DYSF: variants seen among roughly 807,000 people sequenced by gnomAD.
The protein encoded by DYSF is dystrophy-associated fer-1-like 1.
Under a neutral mutation model 274.9 loss-of-function variants are expected in DYSF, and 212 were observed. The ratio of observed to expected loss-of-function variants is 0.77; its 90% confidence interval spans 0.69 to 0.86. The LOEUF is 0.86. Among genes scored for constraint, DYSF ranks in the 40% least tolerant of loss-of-function variants. The probability of loss-of-function intolerance (pLI) is 0.00; values close to 1 mark genes in which losing one functional copy is unlikely to be tolerated. For synonymous variants in DYSF, 1,091 were observed against 1,078.7 expected, an observed-to-expected ratio of 1.01 and a Z score of -0.22; for missense variants, 2,666 against 2,783.2, an observed-to-expected ratio of 0.96 and a Z score of 0.95.
At chr2:71,526,418 T>TGGGGGGGGGGTTG in intron 13 of DYSF, 72 bp downstream of exon 13, 4 of 261,486 alleles carry the variant, frequency 1.5e-5, no homozygotes, top group Non-Finnish European at 2.8e-5. Flanking sequence ...GGGTGGGCGA[T>TGGGGGGGGGGTTG]GGCGGGCGGG....
chr2:71,563,995 G>A lies in DYSF; in HGVS notation c.2410-63G>A, dbSNP rs1283267357. On this transcript the variant is annotated intron_variant, in intron 23 of 55. Coordinates refer to ENST00000410020, the MANE Select transcript of DYSF (RefSeq NM_001130987.2). ...TCTGAGTCAGAGGTCAGCTCACGGT[G>A]TGGCTGTGGGGCGTGGGCCTGGTGT... The A allele has an allele frequency of 2.5e-6, 4 of 1,608,486 alleles. No individual in the cohort carries two copies. In the African/African-American group the frequency reaches 5.3e-5, roughly 21 times the overall value.
chr2:71,464,289 G>A (rs1300133548), upstream of DYSF, among the ~76,000 whole-genome samples: 1 of 152,264 alleles, frequency 6.6e-6, no homozygotes, highest in African/African-American at 2.4e-5. Flanking sequence ...TTCAGGCACT[G>A]AGGAAACAGC....
intron 30 of DYSF, among the ~76,000 whole-genome samples, chr2:71,584,914 G>A (rs908072244): frequency 6.6e-6 from 1 of 152,238 alleles, no homozygotes; most frequent in Non-Finnish European, 1.5e-5. Context: ...CAGAGGAAAG[G>A]TTATGAATTC....
In DYSF at chr2:71,658,929, C is replaced by G. The variant is rs1219625776; in HGVS notation, c.4807C>G (p.Pro1603Ala). The change falls in exon 44 of 56, where the codon CCA (proline) becomes GCA (alanine). Residue 1603 changes from proline (P) to alanine (A), a missense_variant. By Grantham distance (27) the Pro-to-Ala change is conservative (BLOSUM62 -1). Coordinates refer to ENST00000410020, the MANE Select transcript of DYSF (RefSeq NM_001130987.2). The stretch of plus-strand genomic sequence containing the variant: ...AGAAGACCCAGCCATCCCCATGCCC[C>G]CAAGACAGTTCCACCAGCTGGCCGC... ...LPEDPAIPMP[P>A]RQFHQLAAQG... 6.2e-7 allele frequency: 1 copy of G among 1,614,210 alleles called. No individual in the cohort carries two copies. The highest frequency in any genetic ancestry group is 8.5e-7 in the Non-Finnish European group (1 of 1,180,040).
At chr2:71,668,610 G>C in intron 48 of DYSF, 144 bp from the exon 49 acceptor site, 1 of 749,042 alleles carries the variant, frequency 1.3e-6, no homozygotes, top group Non-Finnish European at 2.2e-6. Flanking sequence ...TGACCCTGTA[G>C]TCCCCTGTTT....
intron 3 of DYSF, among the ~76,000 whole-genome samples, chr2:71,490,628 G>A (rs2083770748): frequency 6.6e-6 from 1 of 152,162 alleles, no homozygotes; most frequent in South Asian, 2.1e-4. Flanking sequence ...CGCCCGGCCT[G>A]GTGCATATCT....
chr2:71,505,196 C>T (rs755731002), intron 4 of DYSF, among the ~76,000 whole-genome samples: 12 of 152,258 alleles, frequency 7.9e-5, no homozygotes, highest in Non-Finnish European at 8.8e-5. Flanking sequence ...CAGCCCCAGA[C>T]AGGTCATATG....
chr2:71,616,446 G>T lies in DYSF; in HGVS notation c.4464+3036G>T, dbSNP rs529068080. ...GTGTAGACTTTAGAGTGGCAGACTA[G>T]GGGTGGGGGTGGTGTGTGCACATGA... On this transcript the variant is annotated intron_variant, in intron 40 of 55. Transcript: ENST00000410020. Among the ~76,000 whole-genome samples the T allele has an allele frequency of 2.1e-3, 322 of 151,862 alleles. 2 individuals are homozygous for T. Among genetic ancestry groups the T allele is most frequent in the African/African-American group, 7.6e-3 (315 of 41,318 alleles).
At chr2:71,504,522 A>C (rs950356627) in intron 4 of DYSF, among the ~76,000 whole-genome samples, 2 of 152,130 alleles carry the variant, frequency 1.3e-5, no homozygotes, top group African/African-American at 4.8e-5. Context: ...CCCTGTGGTC[A>C]AGGAGGACCC....
At chr2:71,663,050 C>CATTTGT (rs1553411918) in intron 45 of DYSF, among the ~76,000 whole-genome samples, 1 of 27,488 alleles carries the variant, frequency 3.6e-5, no homozygotes, top group African/African-American at 7.5e-5. Context: ...TGCGCGCACG[C>CATTTGT]GCGTGGTGTA....
chr2:71,685,362 G>T (rs925653286), intron 55 of DYSF, among the ~76,000 whole-genome samples: 3 of 152,218 alleles, frequency 2.0e-5, no homozygotes, highest in Admixed American at 1.3e-4. Flanking sequence ...GGGGTCTAGG[G>T]ATGAAGGGGG....
At chr2:71,506,727 G>A (rs746017966) in intron 4 of DYSF, among the ~76,000 whole-genome samples, 15 of 152,116 alleles carry the variant, frequency 9.9e-5, no homozygotes, top group South Asian at 2.1e-4. Context: ...CCACTGACAC[G>A]CCCACTTTCC....
At chr2:71,680,756 T>C (rs1216985674) in intron 53 of DYSF, among the ~76,000 whole-genome samples, 2 of 152,252 alleles carry the variant, frequency 1.3e-5, no homozygotes, top group African/African-American at 2.4e-5. Flanking sequence ...TCAGCTATGA[T>C]GCATGCAAAT....
chr2:71,631,015 A>T (rs1245501067), intron 41 of DYSF, among the ~76,000 whole-genome samples: 1 of 152,204 alleles, frequency 6.6e-6, no homozygotes, highest in Non-Finnish European at 1.5e-5. Context: ...TCATGGTCTA[A>T]TTCTCTAAGG....
At chr2:71,581,091 A>C (rs2152832322) in intron 30 of DYSF, among the ~76,000 whole-genome samples, 1 of 152,318 alleles carries the variant, frequency 6.6e-6, no homozygotes, top group South Asian at 2.1e-4. Flanking sequence ...ATTCCAGGCA[A>C]ACTGGGCCAT....
At chr2:71,635,302 C>T (rs1574489860) in intron 41 of DYSF, among the ~76,000 whole-genome samples, 1 of 152,202 alleles carries the variant, frequency 6.6e-6, no homozygotes, top group African/African-American at 2.4e-5. Context: ...TTTAATGGCA[C>T]ATGATCAGCC....
intron 1 of DYSF, among the ~76,000 whole-genome samples, chr2:71,460,164 A>T (rs930617781): frequency 6.6e-6 from 1 of 152,218 alleles, no homozygotes; most frequent in African/African-American, 2.4e-5. Context: ...TCTGACCCAC[A>T]GGCTGTCCAG....
At chr2:71,573,598 C>T (rs925796050) in intron 29 of DYSF, among the ~76,000 whole-genome samples, 2 of 152,170 alleles carry the variant, frequency 1.3e-5, no homozygotes, top group Admixed American at 1.3e-4. Context: ...ATAGGATCTT[C>T]CTTTTACCTC....
rs761870525 is a variant in DYSF at position 71,551,700 on chromosome 2, G to A, written c.1786G>A (p.Asp596Asn). ...ACAGAAGGTGGAGGACCTTCCTGCG[G>A]ATGACATCCTCCGGGTGGAGGTGAG... is the stretch of plus-strand genomic sequence containing the variant. Reference protein sequence around the residue: ...SEQKVEDLPADDILRVEKYLR... With the variant: ...SEQKVEDLPANDILRVEKYLR... Residue 596 changes from aspartate to asparagine, a missense_variant, in exon 19 of 56, where the codon GAT becomes AAT. Around this residue, in one of 3 missense-constraint regions of DYSF, gnomAD observed 794 missense variants for 777.1 expected, o/e 1.02. Transcript: ENST00000410020. 1.2e-6 allele frequency: 2 copies of A among 1,609,344 alleles called. No individual in the cohort carries two copies. Among genetic ancestry groups the A allele is most frequent in the Admixed American group, 3.4e-5 (2 of 59,386 alleles).
Sources: allele counts gnomAD v4.1 joint callset (sites outside exome capture counted in the v4.1 genomes callset), GRCh38; gene constraint gnomAD v4.1.1; regional missense constraint gnomAD v4.1.1; transcripts MANE v1.5; gene names NCBI Gene and HGNC (gene_info 2026-07-23, HGNC 2026-07-21).